Variants in FYCO1 observed in about 807,000 individuals in gnomAD.
The protein encoded by FYCO1 is FYVE and coiled-coil domain autophagy adaptor 1.
Under a neutral mutation model 165.1 loss-of-function variants are expected in FYCO1, and 122 were observed. The ratio of observed to expected loss-of-function variants is 0.74; its 90% CI spans 0.64 to 0.86. The LOEUF (loss-of-function observed/expected upper bound fraction) is 0.86. Among genes scored for constraint, FYCO1 ranks in the 40% least tolerant of loss-of-function variants. The pLI, the probability that FYCO1 is intolerant of heterozygous loss-of-function variation, is 0.00. For missense variants in FYCO1, 1,702 were observed against 1,810.3 expected, an observed-to-expected ratio of 0.94 and a Z score of 1.09; for synonymous variants, 648 against 742.5, an observed-to-expected ratio of 0.87 and a Z score of 2.07.
In FYCO1 at chr3:45,967,848, GT is replaced by G. The variant is rs1212142880; in HGVS notation, c.1485del (p.Lys495AsnfsTer17). On this transcript the variant is annotated frameshift_variant, in exon 8 of 18. Coordinates refer to ENST00000296137, the MANE Select transcript of FYCO1 (RefSeq NM_024513.4). LOFTEE classifies it high-confidence loss of function. Reference sequence around the variant, plus strand: ...AGCAGCTCCTTCTCCTCCTGTTGCTGTTTTTTCTCCCGCCTCAACTCTGCTA... The same window carrying G: ...AGCAGCTCCTTCTCCTCCTGTTGCTGTTTTTCTCCCGCCTCAACTCTGCTA... The part of the protein sequence containing the change: ...EELAELRREK[K>X]QQQEEKELLE... The G allele has an allele frequency of 6.2e-7, 1 of 1,613,950 alleles. No individual in the cohort carries two copies. The highest frequency in any genetic ancestry group is 1.3e-5 in the African/African-American group (1 of 74,926).
intron 14 of FYCO1, among the ~76,000 whole-genome samples, chr3:45,953,348 C>T (rs1393503401): frequency 6.6e-6 from 1 of 152,132 alleles, no homozygotes; most frequent in East Asian, 1.9e-4. Context: ...GACCTGGGAC[C>T]CACATAAATT....
chr3:45,974,657 T>C (rs901927221), intron 5 of FYCO1, among the ~76,000 whole-genome samples: 1 of 152,220 alleles, frequency 6.6e-6, no homozygotes, highest in East Asian at 1.9e-4. Context: ...GATTTGCAGC[T>C]TCTAAGCTGA....
At chr3:45,938,794 G>A (rs755160664) in intron 14 of FYCO1, among the ~76,000 whole-genome samples, 1 of 152,182 alleles carries the variant, frequency 6.6e-6, no homozygotes, top group Non-Finnish European at 1.5e-5. Context: ...GGCCAGCCTC[G>A]AGGCTCTTGT....
chr3:45,955,374 C>T lies in FYCO1; in HGVS notation c.3819G>A (p.Arg1273=), dbSNP rs1425034097. 2 of 1,614,160 alleles carry T rather than the reference C, an allele frequency of 1.2e-6. No homozygotes were observed. The highest frequency in any genetic ancestry group is 2.2e-5 in the East Asian group (1 of 44,884). The part of the protein sequence containing the change: ...TGGQGANTDY[R]PPDDAVFDII... ...TATCAAACACAGCGTCGTCCGGTGG[C>T]CTGTAGTCTGTATTTGCTCCTGGGC... The change falls in exon 14 of 18, where the codon AGG becomes AGA. Residue 1273 remains arginine (R), a synonymous_variant. Coordinates refer to ENST00000296137, the MANE Select transcript of FYCO1 (RefSeq NM_024513.4).
chr3:45,968,104 T>C lies in FYCO1; in HGVS notation c.1230A>G (p.Leu410=). Residue 410 remains leucine (L), a synonymous_variant, in exon 8 of 18, where the codon CTA becomes CTG. Coordinates refer to ENST00000296137, the MANE Select transcript of FYCO1 (RefSeq NM_024513.4). ...MQELGEKLQA[L]ERERTKVEEV... ...CCTCGACCTTGGTTCTCTCCCTTTC[T>C]AGGGCTTGAAGCTTCTCCCCTAGCT... 6.2e-7 allele frequency: 1 copy of C among 1,614,184 alleles called. No homozygotes were observed. Among genetic ancestry groups the C allele is most frequent in the Non-Finnish European group, 8.5e-7 (1 of 1,180,022 alleles).
chr3:45,966,784 C>CATTGCAGCAG lies in FYCO1; in HGVS notation c.2549_2550insCTGCTGCAAT (p.Glu850AspfsTer6), dbSNP rs1706051682. The stretch of plus-strand genomic sequence containing the variant: ...TCTCCTCCTGCAGTGCCCCTTCACG[C>CATTGCAGCAG]TCCGAGCATTGCAGCAGCTCCTGGA... On this transcript the variant is annotated frameshift_variant, in exon 8 of 18. Coordinates refer to ENST00000296137, the MANE Select transcript of FYCO1 (RefSeq NM_024513.4). LOFTEE classifies it high-confidence loss of function. 6.2e-7 allele frequency: 1 copy of CATTGCAGCAG among 1,609,874 alleles called. No homozygotes were observed.
At chr3:45,929,827 T>C (rs1399069971) in intron 16 of FYCO1, among the ~76,000 whole-genome samples, 1 of 152,182 alleles carries the variant, frequency 6.6e-6, no homozygotes, top group African/African-American at 2.4e-5. Context: ...GATCCCTGCA[T>C]TGAGCAGATT....
chr3:45,979,563 T>C, intron 4 of FYCO1, 142 bp downstream of exon 4: 3 of 967,318 alleles, frequency 3.1e-6, no homozygotes, highest in African/African-American at 3.2e-5. Flanking sequence ...ACAATGGGCA[T>C]TGCGTATACC....
Position 45,921,448 on chromosome 3 carries a change from A to C in FYCO1, c.*317T>G. On this transcript the variant is annotated 3_prime_UTR_variant, in exon 18 of 18. Coordinates refer to ENST00000296137, the MANE Select transcript of FYCO1 (RefSeq NM_024513.4). The stretch of plus-strand genomic sequence containing the variant: ...GTGAAACTCTCCACAAGAGGCCTGT[A>C]GCCAACTGTGCTCCCAGGAGAGGCT... 1 of 386,244 alleles carries C rather than the reference A, an allele frequency of 2.6e-6. No homozygotes were observed. Among genetic ancestry groups the C allele is most frequent in the Non-Finnish European group, 5.0e-6 (1 of 201,138 alleles). 23.9% of individuals were successfully genotyped at this position (386,244 alleles called of 1,614,324 possible).
At chr3:45,995,554 C>T (rs1009310189) in intron 1 of FYCO1, among the ~76,000 whole-genome samples, 168 bp downstream of exon 1, 6 of 152,228 alleles carry the variant, frequency 3.9e-5, no homozygotes, top group African/African-American at 1.2e-4. Flanking sequence ...CTTCCCGGCC[C>T]GCTGGGCAAG....
chr3:45,936,679 C>A (rs1703910428), intron 14 of FYCO1, 136 bp from the exon 15 acceptor site: 2 of 720,976 alleles, frequency 2.8e-6, no homozygotes. Flanking sequence ...GAGGCCATGA[C>A]AGAGACCCTG....
chr3:45,931,702 T>A (rs1028692505), intron 15 of FYCO1, among the ~76,000 whole-genome samples: 2 of 152,216 alleles, frequency 1.3e-5, no homozygotes, highest in African/African-American at 4.8e-5. Context: ...CATTTCTCCT[T>A]CCAGTTCCCT....
intron 14 of FYCO1, chr3:45,938,336 A>G: frequency 1.3e-6 from 1 of 778,004 alleles, no homozygotes; most frequent in Non-Finnish European, 1.9e-6. Flanking sequence ...TTTCTTTTCA[A>G]TAGGTTTTCA....
At chr3:45,930,674 C>T (rs2125797055) in intron 16 of FYCO1, among the ~76,000 whole-genome samples, 1 of 152,334 alleles carries the variant, frequency 6.6e-6, no homozygotes, top group South Asian at 2.1e-4. Context: ...GGTTGAGATG[C>T]ACCCTAAGCT....
At chr3:45,936,155 A>G (rs571335983) in intron 15 of FYCO1, among the ~76,000 whole-genome samples, 1 of 152,350 alleles carries the variant, frequency 6.6e-6, no homozygotes, top group South Asian at 2.1e-4. Flanking sequence ...ATTTTGAAAA[A>G]AGAACATGAG....
At position 45,921,810 on chromosome 3, in the gene FYCO1, C is replaced by T; in HGVS notation, c.4392G>A (p.Leu1464=). The T allele has an allele frequency of 6.2e-7, 1 of 1,613,022 alleles. No individual in the cohort carries two copies. The highest frequency in any genetic ancestry group is 8.5e-7 in the Non-Finnish European group (1 of 1,178,968). ...CGTAGATCACAGGCCGATCAACCGT[C>T]AAGTGATAAAATACCTTTTTAGAGA... ...RFVSKKVFYH[L]TVDRPVIYDG... The change falls in exon 18 of 18, where the codon TTG becomes TTA. Residue 1464 remains leucine (L), a synonymous_variant. Transcript: ENST00000296137.
At chr3:45,982,794 C>T (rs1412266748) in intron 2 of FYCO1, among the ~76,000 whole-genome samples, 1 of 152,182 alleles carries the variant, frequency 6.6e-6, no homozygotes, top group African/African-American at 2.4e-5. Flanking sequence ...CAAAGATTAG[C>T]AAATGGTGGA....
rs554551603 is a variant in FYCO1, at chr3:45,936,328, C to T, written c.4040+120G>A. 109 of 724,062 alleles carry T rather than the reference C, an allele frequency of 1.5e-4. 1 individual carries two copies. The highest frequency in any genetic ancestry group is 1.5e-3 in the East Asian group (59 of 39,990). The allele number at this position is 724,062 out of a possible 1,614,324, so 44.9% of individuals were successfully genotyped here. A position where few individuals can be genotyped will look rare whatever the true frequency, so the allele number is the denominator to read the frequency against. Reference sequence around the variant, plus strand: ...GCTATGCCTGAAAAAAAAGAATAAACGAAGCCCCACTGGTATTAAGTTAGA... The same window carrying T: ...GCTATGCCTGAAAAAAAAGAATAAATGAAGCCCCACTGGTATTAAGTTAGA... On this transcript the variant is annotated intron_variant, in intron 15 of 17. Coordinates refer to ENST00000296137, the MANE Select transcript of FYCO1 (RefSeq NM_024513.4).
At position 45,964,373 on chromosome 3, in the gene FYCO1, C is replaced by T. The variant is rs774144243; in HGVS notation, c.3232G>A (p.Asp1078Asn). Reference protein sequence around the residue: ...AECQAAMLRKDKEGAALREDL... With the variant: ...AECQAAMLRKNKEGAALREDL... ...TCACGCAGGGCAGCCCCCTCCTTGT[C>T]CTTCCTCAGCATGGCCGCCTGGCAC... Residue 1078 changes from aspartate (D) to asparagine (N), a missense_variant, in exon 10 of 18, where the codon GAC becomes AAC. By Grantham distance (23) the Asp-to-Asn change is conservative (BLOSUM62 1). Transcript: ENST00000296137. The surrounding 1 kb of genome is among the most constrained non-coding windows in gnomAD (Gnocchi z 4.1). 1 of 1,614,102 alleles carries T rather than the reference C, an allele frequency of 6.2e-7. No homozygotes were observed. The highest frequency in any genetic ancestry group is 1.1e-5 in the South Asian group (1 of 91,084).
Sources: allele counts gnomAD v4.1 joint callset (sites outside exome capture counted in the v4.1 genomes callset), GRCh38; gene constraint gnomAD v4.1.1; non-coding constraint Gnocchi (gnomAD v3.1); transcripts MANE v1.5; gene names NCBI Gene and HGNC (gene_info 2026-07-23, HGNC 2026-07-21).